Variants in RNF2 observed in about 807,000 individuals in gnomAD.
RNF2 encodes the protein E3 ubiquitin-protein ligase RING2.
A neutral mutation model predicts 37.2 loss-of-function variants in RNF2; 6 were observed. The observed-to-expected ratio is 0.16, with a 90% CI of 0.09 to 0.32. The LOEUF (loss-of-function observed/expected upper bound fraction) is 0.32. Among genes scored for constraint, RNF2 ranks in the 10% least tolerant of loss-of-function variants. The pLI, the probability that RNF2 is intolerant of heterozygous loss-of-function variation, is 1.00. For synonymous variants in RNF2, 133 were observed against 132.7 expected (o/e 1.00, Z -0.02); for missense variants, 251 against 404.0 (o/e 0.62, Z 3.25).
chr1:185,098,657 ATC>A (rs2102209192), intron 5 of RNF2, among the ~76,000 whole-genome samples: 1 of 152,340 alleles, frequency 6.6e-6, no homozygotes, highest in East Asian at 1.9e-4. Flanking sequence ...TTACCACTGT[ATC>A]TCCAGCACAC....
chr1:185,084,107 A>G (rs1242614690), intron 1 of RNF2, among the ~76,000 whole-genome samples: 1 of 151,704 alleles, frequency 6.6e-6, no homozygotes, highest in Non-Finnish European at 1.5e-5. Context: ...ACACCCACCT[A>G]ATTTTTAATT....
At chr1:185,053,340 CTTT>C (rs796310068) in intron 1 of RNF2, among the ~76,000 whole-genome samples, 2 of 143,798 alleles carry the variant, frequency 1.4e-5, no homozygotes. Flanking sequence ...TTTTCTTTTT[CTTT>C]TTTTTTTTAA....
chr1:185,098,855 G>A (rs907306562), intron 5 of RNF2, among the ~76,000 whole-genome samples: 6 of 151,734 alleles, frequency 4.0e-5, no homozygotes, highest in African/African-American at 1.5e-4. Context: ...GGGTTCAAGC[G>A]ATTCTCCTGC....
At chr1:185,092,449 A>C (rs1483311953) in intron 3 of RNF2, among the ~76,000 whole-genome samples, 1 of 152,204 alleles carries the variant, frequency 6.6e-6, no homozygotes, top group African/African-American at 2.4e-5. Flanking sequence ...TACTGAGATT[A>C]CAGGCGTGAG....
chr1:185,093,213 A>G lies in RNF2; in HGVS notation c.401A>G (p.His134Arg). 6.2e-7 allele frequency: 1 copy of G among 1,614,122 alleles called. No individual in the cohort carries two copies. The highest frequency in any genetic ancestry group is 8.5e-7 in the Non-Finnish European group (1 of 1,179,986). ...QERVLARINKHNNQQALSHSI... is the reference protein window; with the variant it reads ...QERVLARINKRNNQQALSHSI... ...AGAGTATTAGCCAGGATCAACAAGCACAATAATCAGCAAGCACTCAGTCAC... is the reference window on the plus strand; with the variant it reads ...AGAGTATTAGCCAGGATCAACAAGCGCAATAATCAGCAAGCACTCAGTCAC... Residue 134 changes from histidine to arginine, a missense_variant, in exon 4 of 7, where the codon CAC becomes CGC. Physicochemically the swap from His to Arg is conservative, Grantham distance 29. Coordinates refer to ENST00000367510, the MANE Select transcript of RNF2 (RefSeq NM_007212.4).
intron 1 of RNF2, among the ~76,000 whole-genome samples, chr1:185,060,117 C>T (rs1650555375): frequency 6.6e-6 from 1 of 152,230 alleles, no homozygotes. Context: ...TACCACTTTG[C>T]AGAAGCTGCT....
chr1:185,091,980 A>AT, intron 3 of RNF2: 22 of 297,240 alleles, frequency 7.4e-5, no homozygotes, highest in Non-Finnish European at 8.4e-5. Context: ...GTGGCCGGCT[A>AT]GTTTTTTTTT....
intron 1 of RNF2, among the ~76,000 whole-genome samples, chr1:185,084,609 CT>C (rs1651527224): frequency 6.6e-6 from 1 of 152,124 alleles, no homozygotes; most frequent in South Asian, 2.1e-4. Flanking sequence ...ATATTTGGTA[CT>C]TTTTTTCCTT....
At chr1:185,056,646 C>T (rs1650443680) in intron 1 of RNF2, among the ~76,000 whole-genome samples, 1 of 152,140 alleles carries the variant, frequency 6.6e-6, no homozygotes, top group South Asian at 2.1e-4. Context: ...GCTGGGATTA[C>T]AGGTGTGAGC....
intron 1 of RNF2, among the ~76,000 whole-genome samples, chr1:185,051,348 C>T (rs755676091): frequency 6.6e-6 from 1 of 152,126 alleles, no homozygotes; most frequent in Admixed American, 6.5e-5. Flanking sequence ...GACTTGGTTT[C>T]TAGGTCTGGT....
chr1:185,090,495 A>C (rs1651736409), intron 2 of RNF2, among the ~76,000 whole-genome samples: 1 of 152,202 alleles, frequency 6.6e-6, no homozygotes, highest in Admixed American at 6.5e-5. Flanking sequence ...TTTCATATTT[A>C]TATAGAGAGG....
intron 1 of RNF2, among the ~76,000 whole-genome samples, chr1:185,049,850 C>A (rs1650225590): frequency 6.6e-6 from 1 of 152,160 alleles, no homozygotes; most frequent in Admixed American, 6.6e-5. Flanking sequence ...AACCTGGAGA[C>A]TGGAACCATT....
At chr1:185,091,897 C>T (rs1651774302) in intron 3 of RNF2, 158 bp downstream of exon 3, 3 of 583,656 alleles carry the variant, frequency 5.1e-6, no homozygotes, top group Non-Finnish European at 8.6e-6. Context: ...CTCACTGCAA[C>T]CTCTGCCTCC....
At chr1:185,096,264 A>C (rs1392510748) in intron 4 of RNF2, among the ~76,000 whole-genome samples, 1 of 152,228 alleles carries the variant, frequency 6.6e-6, no homozygotes, top group Non-Finnish European at 1.5e-5. Flanking sequence ...GGTAAAAGAC[A>C]TATAACAGAA....
At chr1:185,048,722 G>A (rs1287460344) in intron 1 of RNF2, among the ~76,000 whole-genome samples, 1 of 151,852 alleles carries the variant, frequency 6.6e-6, no homozygotes. Flanking sequence ...TGTATGAAGA[G>A]GTTAGATTCT....
intron 1 of RNF2, among the ~76,000 whole-genome samples, chr1:185,079,626 G>A (rs1651286187): frequency 6.6e-6 from 1 of 152,124 alleles, no homozygotes; most frequent in South Asian, 2.1e-4. Context: ...AATTCCAGGA[G>A]CCCAAATAAA....
At chr1:185,077,625 G>GT (rs528747420) in intron 1 of RNF2, among the ~76,000 whole-genome samples, 2,257 of 115,556 alleles carry the variant, frequency 0.02, 71 homozygotes, top group African/African-American at 0.039. Context: ...AATTAACTTT[G>GT]TTTTTTTTTT....
At chr1:185,089,097 C>T (rs1213974914) in intron 2 of RNF2, among the ~76,000 whole-genome samples, 1 of 152,096 alleles carries the variant, frequency 6.6e-6, no homozygotes, top group African/African-American at 2.4e-5. Flanking sequence ...ACTGCACCAC[C>T]TCAGATCATC....
chr1:185,074,498 G>A (rs1396061153), intron 1 of RNF2, among the ~76,000 whole-genome samples: 2 of 151,968 alleles, frequency 1.3e-5, no homozygotes, highest in African/African-American at 4.8e-5. Context: ...ATGGTTGAAA[G>A]GGGCTTACTA....
Sources: gnomAD v4.1 joint callset for allele counts (sites outside exome capture counted in the v4.1 genomes callset) on GRCh38, gnomAD v4.1.1 for gene constraint, MANE v1.5 for transcripts, NCBI Gene and HGNC (gene_info 2026-07-23, HGNC 2026-07-21) for gene names.